CELF5: variants seen among roughly 807,000 people sequenced by gnomAD.
The protein encoded by CELF5 is CUG-BP and ETR-3 like factor 5.
Under a neutral mutation model 54.9 loss-of-function variants are expected in CELF5, and 6 were observed. The ratio of observed to expected loss-of-function variants is 0.11; its 90% confidence interval spans 0.06 to 0.22. The LOEUF (loss-of-function observed/expected upper bound fraction) is 0.22, where lower values mean the gene tolerates loss of function less well. Ranked by LOEUF, CELF5 falls within the 10% of genes least tolerant of loss-of-function variation. The pLI, the probability that CELF5 is intolerant of heterozygous loss-of-function variation, is 1.00. For synonymous variants in CELF5, 271 were observed against 290.9 expected, an observed-to-expected ratio of 0.93 and a Z score of 0.70; for missense variants, 401 against 678.6, an observed-to-expected ratio of 0.59 and a Z score of 4.54.
chr19:3,234,675 T>C (rs1917434302), intron 1 of CELF5, among the ~76,000 whole-genome samples: 1 of 151,980 alleles, frequency 6.6e-6, no homozygotes, highest in Non-Finnish European at 1.5e-5. Context: ...GGCCTGAAGG[T>C]ACCTAGGACA....
intron 2 of CELF5, among the ~76,000 whole-genome samples, chr19:3,256,064 C>CAGAA (rs372488135): frequency 1.3e-4 from 18 of 139,602 alleles, no homozygotes; most frequent in East Asian, 2.4e-4. Context: ...GACCCTGTCT[C>CAGAA]AAAAAAAAAG....
chr19:3,230,593 C>A (rs1037805167), intron 1 of CELF5, among the ~76,000 whole-genome samples: 5 of 152,096 alleles, frequency 3.3e-5, no homozygotes, highest in African/African-American at 1.2e-4. Flanking sequence ...CTGGACTGAG[C>A]TTGGACTCTT....
rs1266805557 is a variant in CELF5 at position 3,229,736 on chromosome 19, G to A, written c.259+4738G>A. On this transcript the variant is annotated intron_variant, in intron 1 of 12. Coordinates refer to ENST00000292672, the MANE Select transcript of CELF5 (RefSeq NM_021938.4). ...GAGTATGTGCTTGGTCAGTGGGAGC[G>A]GGCTTGTTACATGACTACGCTGAGG... 5.3e-5 allele frequency among the ~76,000 whole-genome samples: 8 copies of A among 152,142 alleles called. No individual in the cohort carries two copies. The East Asian group carries it at 1.2e-3, about 22-fold the overall frequency.
At chr19:3,245,328 G>C (rs1000638926) in intron 1 of CELF5, among the ~76,000 whole-genome samples, 1 of 145,870 alleles carries the variant, frequency 6.9e-6, no homozygotes, top group African/African-American at 2.5e-5. Flanking sequence ...GTATGCATCT[G>C]TGTGTGTGCG....
rs766653295 is a variant in CELF5 at position 3,273,831 on chromosome 19, C to G, written c.343-41C>G. 32 of 1,486,654 alleles carry G rather than the reference C, an allele frequency of 2.2e-5. 1 individual carries two copies. The South Asian group carries it at 3.6e-4, about 17-fold the overall frequency. The allele number at this position is 1,486,654 out of a possible 1,614,324, so 92.1% of individuals were successfully genotyped here. On this transcript the variant is annotated intron_variant, in intron 2 of 12. Transcript: ENST00000292672. ...CAAAACCCCCCGCCTGCCACACCCC[C>G]ACTGCTAAGCTTGACTTTTCCCTTC...
intron 1 of CELF5, among the ~76,000 whole-genome samples, chr19:3,236,606 T>C (rs1200494136): frequency 6.6e-6 from 1 of 152,168 alleles, no homozygotes; most frequent in Non-Finnish European, 1.5e-5. Context: ...TCCCTGTCTC[T>C]GTTTCCCCAC....
At position 3,284,918 on chromosome 19, in the gene CELF5, G is replaced by A. The variant is rs749304792; in HGVS notation, c.1056G>A (p.Val352=). The change falls in exon 9 of 13, where the codon GTG becomes GTA. Residue 352 remains valine (V), a synonymous_variant. Transcript: ENST00000292672. ...TGCCCGCAGCTCAGAGCCCGACTGT[G>A]GCCGAGACACTGCATCCTGCCTTCT... is the stretch of plus-strand genomic sequence containing the variant. ...LVPYPAQSPT[V]AETLHPAFSG... The A allele has an allele frequency of 6.2e-6, 10 of 1,613,080 alleles. No individual in the cohort carries two copies. The highest frequency in any genetic ancestry group is 8.5e-6 in the Non-Finnish European group (10 of 1,179,676).
At chr19:3,277,112 CTCTGGTCTTTCT>C (rs6146445) in intron 4 of CELF5, among the ~76,000 whole-genome samples, 1,904 of 152,300 alleles carry the variant, frequency 0.013, 16 homozygotes, top group Middle Eastern at 0.071. Flanking sequence ...ACCGACTCCA[CTCTGGTCTTTCT>C]TACCTTACTA....
chr19:3,286,048 T>C (rs1267491347), intron 10 of CELF5, 23 bp downstream of exon 10: 5 of 1,533,070 alleles, frequency 3.3e-6, no homozygotes, highest in Non-Finnish European at 4.4e-6. Context: ...CAACCTCCCC[T>C]GGGCGCCAGC....
chr19:3,273,877 G>T lies in CELF5; in HGVS notation c.348G>T (p.Ala116=). The T allele has an allele frequency of 6.2e-7, 1 of 1,613,502 alleles. No individual in the cohort carries two copies. Among genetic ancestry groups the T allele is most frequent in the Non-Finnish European group, 8.5e-7 (1 of 1,179,510 alleles). Residue 116 remains alanine (A), a synonymous_variant, in exon 3 of 13, where the codon GCG becomes GCT. Coordinates refer to ENST00000292672, the MANE Select transcript of CELF5 (RefSeq NM_021938.4). ...LHEQKTLPGM[A]RPIQVKPADS... ...CCTTCCCCCTCTCTCTGCAGATGGC[G>T]CGGCCAATCCAGGTGAAGCCTGCGG...
chr19:3,235,492 AGATG>A (rs1917498890), intron 1 of CELF5, among the ~76,000 whole-genome samples: 1 of 13,950 alleles, frequency 7.2e-5, no homozygotes, highest in Admixed American at 8.4e-4. Context: ...ACGCGAGGAT[AGATG>A]GGTGGGTGGG....
intron 1 of CELF5, among the ~76,000 whole-genome samples, chr19:3,247,857 G>A (rs1599409836): frequency 6.6e-6 from 1 of 151,908 alleles, no homozygotes; most frequent in African/African-American, 2.4e-5. Context: ...TGCCGCCCGG[G>A]TTCAAACGAT....
At chr19:3,295,188 T>C (rs553504069) in intron 12 of CELF5, 1 of 152,012 alleles carries the variant, frequency 6.6e-6, no homozygotes, top group Non-Finnish European at 1.5e-5. Context: ...CCACCTGGAG[T>C]GGCGAGGGGC....
intron 2 of CELF5, among the ~76,000 whole-genome samples, chr19:3,263,571 G>T (rs572330209): frequency 2.0e-5 from 3 of 148,778 alleles, no homozygotes; most frequent in Non-Finnish European, 4.4e-5. Flanking sequence ...TAGAAACAAA[G>T]AAACAAACAA....
chr19:3,225,470 C>T, intron 1 of CELF5: 1 of 394,470 alleles, frequency 2.5e-6, no homozygotes, highest in Non-Finnish European at 3.4e-6. Flanking sequence ...CCTCCCTGCC[C>T]CCCCACCCCC....
intron 2 of CELF5, among the ~76,000 whole-genome samples, chr19:3,272,913 T>C (rs1240179343): frequency 1.3e-5 from 2 of 152,174 alleles, no homozygotes; most frequent in African/African-American, 4.8e-5. Context: ...CGATCCAAAA[T>C]AGCTCATACC....
chr19:3,284,626 G>A (rs2080203635), intron 8 of CELF5: 1 of 490,456 alleles, frequency 2.0e-6, no homozygotes, highest in Admixed American at 3.4e-5. Context: ...AGGCAACCGG[G>A]TCGGGATAGG....
intron 1 of CELF5, among the ~76,000 whole-genome samples, chr19:3,237,170 G>C (rs1343963673): frequency 6.7e-6 from 1 of 150,370 alleles, no homozygotes; most frequent in Non-Finnish European, 1.5e-5. Context: ...AAATTAGCCG[G>C]GCATGGTGGC....
intron 2 of CELF5, among the ~76,000 whole-genome samples, chr19:3,265,004 G>GGGCCT (rs1382289324): frequency 6.6e-6 from 1 of 152,118 alleles, no homozygotes; most frequent in Admixed American, 6.5e-5. Context: ...ACGAGCCACT[G>GGGCCT]GGCCTGGCCT....
Sources: gnomAD v4.1 joint callset for allele counts (sites outside exome capture counted in the v4.1 genomes callset) on GRCh38, gnomAD v4.1.1 for gene constraint, MANE v1.5 for transcripts, NCBI Gene and HGNC (gene_info 2026-07-23, HGNC 2026-07-21) for gene names.